MGAT5: variants seen among roughly 807,000 people sequenced by gnomAD.
MGAT5 encodes alpha-1,6-mannosylglycoprotein 6-beta-N-acetylglucosaminyltransferase.
In MGAT5, 30 loss-of-function variants were observed where a neutral mutation model predicts 94.3. The ratio of observed to expected loss-of-function variants is 0.32; its 90% CI spans 0.24 to 0.43. The LOEUF (loss-of-function observed/expected upper bound fraction) is 0.43. MGAT5 is among the 20% of genes least tolerant of loss of function. MGAT5 has a pLI of 1.00. For missense variants in MGAT5, 691 were observed against 905.5 expected (o/e 0.76, Z 3.04); for synonymous variants, 310 against 322.9 (o/e 0.96, Z 0.43).
chr2:134,195,742 C>T (rs921663057), intron 1 of MGAT5, among the ~76,000 whole-genome samples: 11 of 152,142 alleles, frequency 7.2e-5, no homozygotes, highest in African/African-American at 2.7e-4. Flanking sequence ...GTCTGGTGTG[C>T]GTGAGCCTGT....
chr2:134,318,738 A>G lies in MGAT5; in HGVS notation c.572A>G (p.Glu191Gly), dbSNP rs751248793. The change falls in exon 4 of 16, where the codon GAG (glutamate) becomes GGG (glycine). Residue 191 changes from glutamate to glycine, a missense_variant and splice_region_variant. Physicochemically the swap from Glu to Gly is moderately conservative, Grantham distance 98. Coordinates refer to ENST00000281923, the MANE Select transcript of MGAT5 (RefSeq NM_002410.5). ...TGCTCTTTTTTTATTTACCTCAGTG[A>G]GGTGAGTAGCTTTCTGTGGCTCCTG... ...STCSFFIYLS[E>G]VENWCPHLPW... 11 of 1,609,850 alleles carry G rather than the reference A, an allele frequency of 6.8e-6. No homozygotes were observed. Among genetic ancestry groups the G allele is most frequent in the Non-Finnish European group, 9.4e-6 (11 of 1,176,388 alleles).
At chr2:134,361,617 C>T (rs1272733603) in intron 9 of MGAT5, among the ~76,000 whole-genome samples, 1 of 152,216 alleles carries the variant, frequency 6.6e-6, no homozygotes, top group Non-Finnish European at 1.5e-5. Flanking sequence ...ATAGCCTACT[C>T]TGTAGACAGT....
intron 7 of MGAT5, among the ~76,000 whole-genome samples, chr2:134,342,709 GTC>G (rs777308358): frequency 1.9e-4 from 20 of 107,780 alleles, no homozygotes; most frequent in Non-Finnish European, 3.2e-4. Flanking sequence ...GACAGAGCAA[GTC>G]TCTGTCTTAA....
rs139222727 is a variant in MGAT5 at position 134,152,942 on chromosome 2, C to T, written c.-143+32651C>T. Among the ~76,000 whole-genome samples the T allele has an allele frequency of 2.6e-3, 346 of 133,694 alleles. 4 individuals carry two copies. Among genetic ancestry groups the T allele is most frequent in the African/African-American group, 9.0e-3 (312 of 34,560 alleles). The allele number at this position is 133,694 out of a possible 152,430, so 87.7% of individuals were successfully genotyped here. On this transcript the variant is annotated intron_variant, in intron 1 of 16. Coordinates refer to the MGAT5 transcript ENST00000409645. ...TTTTTGAGATGGAATCTCACTCTGT[C>T]GCCCAGGCTGGAGTGCAGTGGTGTG...
chr2:134,428,437 C>G lies in MGAT5; in HGVS notation c.1867C>G (p.Gln623Glu). 1 of 1,613,546 alleles carries G rather than the reference C, an allele frequency of 6.2e-7. No individual in the cohort carries two copies. Among genetic ancestry groups the G allele is most frequent in the South Asian group, 1.1e-5 (1 of 91,064 alleles). Residue 623 changes from glutamine (Q) to glutamate (E), a missense_variant and splice_region_variant, in exon 14 of 16, where the codon CAG (glutamine) becomes GAG (glutamate). By Grantham distance (29) the Gln-to-Glu change is conservative. Transcript: ENST00000281923. The stretch of plus-strand genomic sequence containing the variant: ...GAGAATCAATGCTTTCATTGAAAAA[C>G]AGGTAAGGCTTATCAGAAGTCAGTC... ...LQRINAFIEKQDFCHGQVMWP... is the reference protein window; with the variant it reads ...LQRINAFIEKEDFCHGQVMWP...
chr2:134,183,996 T>G (rs1688877432), intron 1 of MGAT5, among the ~76,000 whole-genome samples: 2 of 152,336 alleles, frequency 1.3e-5, no homozygotes, highest in Non-Finnish European at 2.9e-5. Context: ...CTCACTTAAT[T>G]TTTTTTGTCT....
chr2:134,227,445 G>A (rs1573563692), intron 1 of MGAT5, among the ~76,000 whole-genome samples: 1 of 152,162 alleles, frequency 6.6e-6, no homozygotes, highest in South Asian at 2.1e-4. Flanking sequence ...GCTATTCCTG[G>A]CAGGTAGGAC....
rs1039415682 is a variant in MGAT5 at position 134,270,433 on chromosome 2, A to G, written c.289A>G (p.Ile97Val). 9 of 1,614,110 alleles carry G rather than the reference A, an allele frequency of 5.6e-6. No individual in the cohort carries two copies. Among genetic ancestry groups the G allele is most frequent in the Admixed American group, 1.7e-5 (1 of 60,008 alleles). Residue 97 changes from isoleucine (I) to valine (V), a missense_variant, in exon 2 of 16, where the codon ATT becomes GTT. Ile to Val is a conservative substitution (Grantham distance 29). Coordinates refer to ENST00000281923, the MANE Select transcript of MGAT5 (RefSeq NM_002410.5). ...AVLLDNILQRIGKLESKVDNL... is the reference protein window; with the variant it reads ...AVLLDNILQRVGKLESKVDNL... ...GTTATTAGATAACATTTTGCAGCGC[A>G]TTGGCAAGTTGGAGTCGAAGGTGGA...
intron 10 of MGAT5, among the ~76,000 whole-genome samples, chr2:134,370,872 A>T (rs1680748304): frequency 6.6e-6 from 1 of 152,256 alleles, no homozygotes; most frequent in East Asian, 1.9e-4. Context: ...TGTTGGCTGC[A>T]TGCTGACTAT....
Position 134,289,191 on chromosome 2 carries a change from T to C in MGAT5, c.406+18641T>C, listed in dbSNP as rs142917493. On this transcript the variant is annotated intron_variant, in intron 2 of 15. Coordinates refer to ENST00000281923, the MANE Select transcript of MGAT5 (RefSeq NM_002410.5). ...GGTTGGGCACCGCAGTGTGCCAGTC[T>C]CTCCTCTTCCCACATGCCCTTTGCT... is the stretch of plus-strand genomic sequence containing the variant. Among the ~76,000 whole-genome samples, 382 of 152,248 alleles carry C rather than the reference T, an allele frequency of 2.5e-3. 3 individuals are homozygous for C. The highest frequency in any genetic ancestry group is 8.7e-3 in the African/African-American group (360 of 41,556).
intron 12 of MGAT5, among the ~76,000 whole-genome samples, chr2:134,415,827 A>G (rs1485020834): frequency 1.3e-5 from 2 of 152,084 alleles, no homozygotes; most frequent in Non-Finnish European, 1.5e-5. Flanking sequence ...TTTCATTCTT[A>G]TGCTTGTGGA....
In MGAT5 at chr2:134,403,098, C is replaced by T. The variant is rs1029370104; in HGVS notation, c.1491C>T (p.Leu497=). The change falls in exon 11 of 16, where the codon CTC becomes CTT. Residue 497 remains leucine, a synonymous_variant. Transcript: ENST00000281923. The part of the protein sequence containing the change: ...IPSYVKNHGI[L]SGRDLQFLLR... Reference sequence around the variant, plus strand: ...GTTACGTGAAAAACCATGGTATCCTCAGTGGACGGGACCTGCAGTTCCTTC... The same window carrying T: ...GTTACGTGAAAAACCATGGTATCCTTAGTGGACGGGACCTGCAGTTCCTTC... The T allele has an allele frequency of 3.1e-6, 5 of 1,610,472 alleles. No homozygotes were observed. The highest frequency in any genetic ancestry group is 1.3e-5 in the African/African-American group (1 of 74,842).
In MGAT5 at chr2:134,314,779, C is replaced by T. The variant is rs767495810; in HGVS notation, c.407-2750C>T. On this transcript the variant is annotated intron_variant, in intron 2 of 15. Coordinates refer to ENST00000281923, the MANE Select transcript of MGAT5 (RefSeq NM_002410.5). Reference sequence around the variant, plus strand: ...AGGACGTTCCAGGGAGAGGAAGGCCCGCAGGGAGCCTTGAAAGAAGTCAGT... The same window carrying T: ...AGGACGTTCCAGGGAGAGGAAGGCCTGCAGGGAGCCTTGAAAGAAGTCAGT... Among the ~76,000 whole-genome samples, 7 of 152,098 alleles carry T rather than the reference C, an allele frequency of 4.6e-5. No homozygotes were observed. The East Asian group carries it at 7.7e-4, about 17-fold the overall frequency.
rs183001564 is a variant in MGAT5, at chr2:134,213,186, T to C, written c.-142-41076T>C. On this transcript the variant is annotated intron_variant, in intron 1 of 16. Transcript: ENST00000409645. ...AGCCAGATGACAGGCTGGTAACAAA[T>C]TGGACTATTGGGCTGAATTTGCAGG... Among the ~76,000 whole-genome samples the C allele has an allele frequency of 7.4e-4, 113 of 152,224 alleles. 1 individual carries two copies. Among genetic ancestry groups the C allele is most frequent in the African/African-American group, 2.5e-3 (105 of 41,546 alleles).
intron 1 of MGAT5, among the ~76,000 whole-genome samples, chr2:134,223,578 G>A (rs568062119): frequency 6.6e-6 from 1 of 152,310 alleles, no homozygotes; most frequent in South Asian, 2.1e-4. Context: ...GAGGATTATT[G>A]TAGCCAAGAA....
chr2:134,381,595 A>G (rs1400079931), intron 10 of MGAT5, among the ~76,000 whole-genome samples: 1 of 150,582 alleles, frequency 6.6e-6, no homozygotes. Context: ...ACCTGTCTCT[A>G]AAATAGATAG....
intron 10 of MGAT5, among the ~76,000 whole-genome samples, chr2:134,371,142 C>T (rs1191919098): frequency 2.0e-5 from 3 of 152,210 alleles, no homozygotes; most frequent in South Asian, 2.1e-4. Context: ...GAGTTGGAGG[C>T]GGCTTGGGTG....
intron 1 of MGAT5, among the ~76,000 whole-genome samples, chr2:134,148,502 A>G (rs1687026164): frequency 6.6e-6 from 1 of 152,254 alleles, no homozygotes; most frequent in African/African-American, 2.4e-5. Flanking sequence ...TAAATAAGAA[A>G]TTAAGTTTCA....
chr2:134,172,328 T>C (rs1688248111), intron 1 of MGAT5, among the ~76,000 whole-genome samples: 1 of 151,996 alleles, frequency 6.6e-6, no homozygotes, highest in South Asian at 2.1e-4. Flanking sequence ...TTTTCTTAAG[T>C]CCTCAATTCT....
Sources: gnomAD v4.1 joint callset for allele counts (sites outside exome capture counted in the v4.1 genomes callset) on GRCh38, gnomAD v4.1.1 for gene constraint, MANE v1.5 for transcripts, NCBI Gene and HGNC (gene_info 2026-07-23, HGNC 2026-07-21) for gene names.